The following RIMBP2 variants were observed in gnomAD, a reference collection of about 807,000 sequenced individuals.
RIMBP2 encodes RIMS binding protein 2.
RIMBP2 carries 48 observed loss-of-function variants against 118.6 expected under a neutral mutation model. That is an observed-to-expected ratio of 0.40 (90% CI 0.32 to 0.51). RIMBP2 has a LOEUF of 0.51. RIMBP2 is among the 20% of genes least tolerant of loss of function. The pLI is 0.41. For missense variants in RIMBP2, 1,551 were observed against 1,768.3 expected, an observed-to-expected ratio of 0.88 and a Z score of 2.20; for synonymous variants, 762 against 742.9, an observed-to-expected ratio of 1.03 and a Z score of -0.42.
intron 2 of RIMBP2, among the ~76,000 whole-genome samples, chr12:130,552,921 G>A (rs1206435222): frequency 6.6e-6 from 1 of 152,124 alleles, no homozygotes; most frequent in East Asian, 1.9e-4. Context: ...GGGAGGCCGA[G>A]GCAGGCGGAT....
chr12:130,662,910 C>T (rs2136359806), intron 1 of RIMBP2, among the ~76,000 whole-genome samples: 1 of 152,202 alleles, frequency 6.6e-6, no homozygotes, highest in South Asian at 2.1e-4. Context: ...GAGCTATGAT[C>T]ATGCCACTAC....
chr12:130,523,813 T>G lies in RIMBP2; in HGVS notation c.-216-5896A>C, dbSNP rs994750749. ...GCGCAGGGCATTCTGGGTTGAGATG[T>G]CAGGAACGCCAGTTGCTATGGGGAG... On this transcript the variant is annotated intron_variant, in intron 2 of 22. Coordinates refer to ENST00000690449, the MANE Select transcript of RIMBP2 (RefSeq NM_001393629.1). The surrounding 1 kb of genome is among the most constrained non-coding windows in gnomAD (Gnocchi z 4.4). Among the ~76,000 whole-genome samples, 1 of 152,074 alleles carries G rather than the reference T, an allele frequency of 6.6e-6. No homozygotes were observed. The highest frequency in any genetic ancestry group is 1.5e-5 in the Non-Finnish European group (1 of 68,014).
chr12:130,687,112 G>C (rs7295921), intron 1 of RIMBP2, among the ~76,000 whole-genome samples: 38,322 of 151,860 alleles, frequency 0.25, 5,256 homozygotes, highest in South Asian at 0.38. Flanking sequence ...TCAGGTCAGC[G>C]CCCAGATCCT....
At position 130,646,118 on chromosome 12, in the gene RIMBP2, A is replaced by G. The variant is rs183336081; in HGVS notation, c.-351-17662T>C. ...CTCCACCTCCCTCTCCACCTCCCTC[A>G]CCACCTGCCTCTCCACCTCCCTCAC... On this transcript the variant is annotated intron_variant, in intron 1 of 22. Transcript: ENST00000690449. Among the ~76,000 whole-genome samples the G allele has an allele frequency of 1.6e-3, 99 of 62,414 alleles. 3 individuals are homozygous for G. Among genetic ancestry groups the G allele is most frequent in the African/African-American group, 3.8e-3 (50 of 13,084 alleles). The allele number at this position is 62,414 out of a possible 152,430, so 40.9% of individuals were successfully genotyped here.
intron 1 of RIMBP2, among the ~76,000 whole-genome samples, chr12:130,692,904 G>T (rs944739840): frequency 6.6e-6 from 1 of 151,516 alleles, no homozygotes; most frequent in African/African-American, 2.4e-5. Flanking sequence ...GATAGGATAG[G>T]GTAGGGTAGG....
chr12:130,534,268 G>A (rs1300616040), intron 2 of RIMBP2, among the ~76,000 whole-genome samples: 5 of 143,046 alleles, frequency 3.5e-5, no homozygotes, highest in African/African-American at 1.0e-4. Flanking sequence ...GTGGAAGGGG[G>A]TGGGAGGGGT....
intron 2 of RIMBP2, among the ~76,000 whole-genome samples, chr12:130,553,356 ATT>A (rs2056018978): frequency 6.6e-6 from 1 of 152,074 alleles, no homozygotes; most frequent in Non-Finnish European, 1.5e-5. Context: ...CTTTCCCTAA[ATT>A]TTCTCTTTAA....
At chr12:130,479,975 C>T (rs1380331115) in intron 4 of RIMBP2, among the ~76,000 whole-genome samples, 1 of 151,902 alleles carries the variant, frequency 6.6e-6, no homozygotes, top group Admixed American at 6.6e-5. Context: ...GAGGACCAGG[C>T]CCCCAGACCC....
chr12:130,663,855 T>C (rs1468215047), intron 1 of RIMBP2, among the ~76,000 whole-genome samples: 2 of 151,668 alleles, frequency 1.3e-5, no homozygotes, highest in Non-Finnish European at 2.9e-5. Flanking sequence ...CACAGGTTAT[T>C]CCATACCGGT....
intron 6 of RIMBP2, chr12:130,465,211 G>A (rs1254099195): frequency 2.0e-5 from 3 of 152,256 alleles, no homozygotes; most frequent in Non-Finnish European, 4.4e-5. Flanking sequence ...GTCTCCCAGG[G>A]AGGAAGGGGG....
chr12:130,505,521 C>T (rs1425364005), intron 4 of RIMBP2, among the ~76,000 whole-genome samples: 2 of 86,674 alleles, frequency 2.3e-5, no homozygotes, highest in East Asian at 4.9e-4. Flanking sequence ...GGAGGGGTCA[C>T]TCCTCATCCC....
At position 130,703,514 on chromosome 12, in the gene RIMBP2, G is replaced by A. The variant is rs1038099693; in HGVS notation, c.-352+12708C>T. Among the ~76,000 whole-genome samples, 10 of 152,176 alleles carry A rather than the reference G, an allele frequency of 6.6e-5. No homozygotes were observed. The highest frequency in any genetic ancestry group is 1.3e-4 in the Admixed American group (2 of 15,294). On this transcript the variant is annotated intron_variant, in intron 1 of 22. Coordinates refer to ENST00000690449, the MANE Select transcript of RIMBP2 (RefSeq NM_001393629.1). The surrounding 1 kb of genome is among the most constrained non-coding windows in gnomAD (Gnocchi z 5.7). ...TCCCCAATCCCTCACCCACTGCTGCGACCACCCGGTGCTCAGCTCAGGGCT... is the reference window on the plus strand; with the variant it reads ...TCCCCAATCCCTCACCCACTGCTGCAACCACCCGGTGCTCAGCTCAGGGCT...
At chr12:130,535,492 C>A (rs980205623) in intron 2 of RIMBP2, among the ~76,000 whole-genome samples, 3 of 151,864 alleles carry the variant, frequency 2.0e-5, no homozygotes. Context: ...TCAGCCTGGG[C>A]AAGCAACAGA....
At chr12:130,427,218 G>A (rs2076850478) in intron 15 of RIMBP2, 2 of 152,214 alleles carry the variant, frequency 1.3e-5, no homozygotes, top group Admixed American at 6.5e-5. Context: ...CTCTGTTCCT[G>A]GAGAAAGCAG....
In RIMBP2 at chr12:130,715,571, A is replaced by G. The variant is rs570577909; in HGVS notation, c.-352+651T>C. ...TGCCCCCGGCCAGCAGCCCGCGCACACTGCTCACACAGGCACACGCATGCA... is the reference window on the plus strand; with the variant it reads ...TGCCCCCGGCCAGCAGCCCGCGCACGCTGCTCACACAGGCACACGCATGCA... On this transcript the variant is annotated intron_variant, in intron 1 of 22. Transcript: ENST00000690449. Among the ~76,000 whole-genome samples the G allele has an allele frequency of 2.0e-4, 31 of 152,316 alleles. No homozygotes were observed. The East Asian group carries it at 5.6e-3, about 28-fold the overall frequency.
chr12:130,640,110 GT>G (rs964148789), intron 1 of RIMBP2, among the ~76,000 whole-genome samples: 10 of 152,180 alleles, frequency 6.6e-5, no homozygotes, highest in Non-Finnish European at 1.5e-4. Context: ...ATCTCACGAT[GT>G]TATTCTCGAT....
At chr12:130,443,584 G>C (rs1254285674) in intron 10 of RIMBP2, among the ~76,000 whole-genome samples, 1 of 152,210 alleles carries the variant, frequency 6.6e-6, no homozygotes, top group East Asian at 1.9e-4. Flanking sequence ...TTGTGGCCCA[G>C]GGGAAGACAT....
At chr12:130,548,198 G>C (rs2055362925) in intron 2 of RIMBP2, among the ~76,000 whole-genome samples, 1 of 152,160 alleles carries the variant, frequency 6.6e-6, no homozygotes, top group African/African-American at 2.4e-5. Context: ...AGTTAAGAAT[G>C]TGAACAAGGG....
At chr12:130,425,185 G>A (rs540858002) in intron 15 of RIMBP2, 153 of 234,626 alleles carry the variant, frequency 6.5e-4, no homozygotes, top group Non-Finnish European at 1.0e-3. Flanking sequence ...CCACGGTACC[G>A]CTGCTGTAGA....
Sources: gnomAD v4.1 joint callset for allele counts (sites outside exome capture counted in the v4.1 genomes callset) on GRCh38, gnomAD v4.1.1 for gene constraint, Gnocchi (gnomAD v3.1) non-coding constraint, MANE v1.5 for transcripts, NCBI Gene and HGNC (gene_info 2026-07-23, HGNC 2026-07-21) for gene names.